Variants in GALNT17 observed in about 807,000 individuals in gnomAD.
GALNT17 encodes UDP-GalNAc:polypeptide N-acetylgalactosaminyltransferase-like 3.
A neutral mutation model predicts 63.7 loss-of-function variants in GALNT17; 29 were observed. The observed-to-expected ratio is 0.46, with a 90% CI of 0.34 to 0.62. The LOEUF (loss-of-function observed/expected upper bound fraction) is 0.62. Ranked by LOEUF, GALNT17 falls within the 20% of genes least tolerant of loss-of-function variation. The probability of loss-of-function intolerance (pLI) is 0.01; values close to 1 mark genes in which losing one functional copy is unlikely to be tolerated. For synonymous variants in GALNT17, 305 were observed against 318.3 expected (o/e 0.96, Z 0.45); for missense variants, 603 against 799.6 (o/e 0.75, Z 2.97).
chr7:71,651,924 C>G (rs1790759678), intron 6 of GALNT17, among the ~76,000 whole-genome samples: 1 of 152,152 alleles, frequency 6.6e-6, no homozygotes, highest in East Asian at 1.9e-4. Context: ...TGGTCTTGAA[C>G]TCCTGGCCTC....
In GALNT17 at chr7:71,476,061, C is replaced by A. The variant is rs994641813; in HGVS notation, c.962+54956C>A. Among the ~76,000 whole-genome samples, 6 of 152,148 alleles carry A rather than the reference C, an allele frequency of 3.9e-5. No homozygotes were observed. The East Asian group carries it at 1.2e-3, about 29-fold the overall frequency. The stretch of plus-strand genomic sequence containing the variant: ...TTCTCTTTTATCTTCTTGGCTTGTT[C>A]TTTTCACTTGATGGGTTGTTTTGAG... On this transcript the variant is annotated intron_variant, in intron 5 of 10. Coordinates refer to ENST00000333538, the MANE Select transcript of GALNT17 (RefSeq NM_022479.3).
intron 1 of GALNT17, among the ~76,000 whole-genome samples, chr7:71,232,694 T>C (rs890474106): frequency 6.6e-6 from 1 of 152,112 alleles, no homozygotes; most frequent in Non-Finnish European, 1.5e-5. Context: ...ATAGGCAGTG[T>C]GTGGAGTGCA....
At position 71,225,893 on chromosome 7, in the gene GALNT17, C is replaced by T. The variant is rs143617543; in HGVS notation, c.238+92853C>T. 6.8e-3 allele frequency among the ~76,000 whole-genome samples: 1,030 copies of T among 152,068 alleles called. 11 individuals carry two copies. The highest frequency in any genetic ancestry group is 0.024 in the African/African-American group (975 of 41,478). ...TTGACATGAAATTATGCTTATGGTA[C>T]ACTATTAGGTTAAAAAAAGAGACAA... On this transcript the variant is annotated intron_variant, in intron 1 of 10. Coordinates refer to ENST00000333538, the MANE Select transcript of GALNT17 (RefSeq NM_022479.3).
At chr7:71,482,128 C>T (rs902520814) in intron 5 of GALNT17, among the ~76,000 whole-genome samples, 3 of 107,846 alleles carry the variant, frequency 2.8e-5, no homozygotes, top group African/African-American at 8.9e-5. Context: ...TATGGTCATG[C>T]ATTGCATAAT....
At chr7:71,698,131 A>AG (rs1434201347) in intron 9 of GALNT17, among the ~76,000 whole-genome samples, 61 of 151,490 alleles carry the variant, frequency 4.0e-4, no homozygotes, top group African/African-American at 1.2e-3. Flanking sequence ...CTCAAAAAAA[A>AG]AAAAAAAAAA....
intron 1 of GALNT17, among the ~76,000 whole-genome samples, chr7:71,258,901 G>A (rs1380994046): frequency 3.3e-5 from 5 of 151,442 alleles, no homozygotes; most frequent in African/African-American, 9.7e-5. Context: ...AAGGAGTGGG[G>A]AAGACATTTG....
At chr7:71,408,623 G>A (rs79543743) in intron 3 of GALNT17, among the ~76,000 whole-genome samples, 11,644 of 152,260 alleles carry the variant, frequency 0.076, 557 homozygotes, top group Middle Eastern at 0.18. Context: ...CAGAGCTTTG[G>A]GAGGCCAAAG....
chr7:71,346,760 T>G (rs945257653), intron 2 of GALNT17, among the ~76,000 whole-genome samples: 17 of 3,974 alleles, frequency 4.3e-3, no homozygotes, highest in South Asian at 0.015. Flanking sequence ...GGGGCGGGGG[T>G]GGGTGGGTGG....
intron 6 of GALNT17, among the ~76,000 whole-genome samples, chr7:71,600,118 A>C (rs78377859): frequency 1.4e-3 from 211 of 152,106 alleles, no homozygotes; most frequent in African/African-American, 4.9e-3. Flanking sequence ...ATAGAACATT[A>C]GTTTTGGGGG....
chr7:71,359,647 C>T (rs893408503), intron 2 of GALNT17, among the ~76,000 whole-genome samples: 4 of 151,626 alleles, frequency 2.6e-5, no homozygotes, highest in Non-Finnish European at 5.9e-5. Flanking sequence ...GCGGTGGCAC[C>T]GTCTCGGCTC....
chr7:71,219,113 A>G (rs1380470307), intron 1 of GALNT17, among the ~76,000 whole-genome samples: 1 of 152,158 alleles, frequency 6.6e-6, no homozygotes, highest in Non-Finnish European at 1.5e-5. Context: ...GTCCCATCTC[A>G]TATGATATTT....
intron 1 of GALNT17, among the ~76,000 whole-genome samples, chr7:71,169,918 C>G (rs1018986848): frequency 2.0e-5 from 3 of 152,024 alleles, no homozygotes; most frequent in Non-Finnish European, 4.4e-5. Flanking sequence ...AAGTTGTGTC[C>G]TACCAGAGTC....
At chr7:71,255,303 G>A (rs1042870709) in intron 1 of GALNT17, among the ~76,000 whole-genome samples, 7 of 152,182 alleles carry the variant, frequency 4.6e-5, no homozygotes, top group African/African-American at 1.7e-4. Context: ...AGATCTGATG[G>A]TTGTATAAAG....
At chr7:71,184,485 C>T (rs868220201) in intron 1 of GALNT17, among the ~76,000 whole-genome samples, 4 of 152,314 alleles carry the variant, frequency 2.6e-5, no homozygotes, top group Middle Eastern at 3.4e-3. Flanking sequence ...CCAACACACA[C>T]TTTACTGCAG....
intron 1 of GALNT17, among the ~76,000 whole-genome samples, chr7:71,325,370 T>C (rs961328132): frequency 2.6e-5 from 4 of 152,082 alleles, no homozygotes; most frequent in Non-Finnish European, 1.5e-5. Flanking sequence ...GCTCTTTGGC[T>C]TAGAGAGAGA....
chr7:71,639,972 T>C (rs768305486), intron 6 of GALNT17, among the ~76,000 whole-genome samples: 1 of 152,176 alleles, frequency 6.6e-6, no homozygotes, highest in East Asian at 1.9e-4. Context: ...CTGGAAACCA[T>C]GTTATTTAGA....
At chr7:71,243,485 C>A (rs182817176) in intron 1 of GALNT17, among the ~76,000 whole-genome samples, 11 of 152,236 alleles carry the variant, frequency 7.2e-5, no homozygotes, top group Admixed American at 7.2e-4. Flanking sequence ...GTTGGGCGAC[C>A]TTAATTCTAC....
intron 5 of GALNT17, among the ~76,000 whole-genome samples, chr7:71,541,990 A>G (rs76899489): frequency 0.056 from 8,469 of 152,308 alleles, 317 homozygotes; most frequent in East Asian, 0.15. Context: ...CCGTTCATTC[A>G]TTCATATAGA....
At chr7:71,703,643 A>C (rs1160678876) in intron 9 of GALNT17, among the ~76,000 whole-genome samples, 2 of 152,254 alleles carry the variant, frequency 1.3e-5, no homozygotes, top group African/African-American at 4.8e-5. Context: ...TAAAGTAACA[A>C]TGGCAGAAGT....
Sources: allele counts gnomAD v4.1 joint callset (sites outside exome capture counted in the v4.1 genomes callset), GRCh38; gene constraint gnomAD v4.1.1; transcripts MANE v1.5; gene names NCBI Gene and HGNC (gene_info 2026-07-23, HGNC 2026-07-21).